TENM4: variants seen among roughly 807,000 people sequenced by gnomAD.
The protein encoded by TENM4 is teneurin transmembrane protein 4.
A neutral mutation model predicts 243.3 loss-of-function variants in TENM4; 82 were observed. The ratio of observed to expected loss-of-function variants is 0.34; its 90% CI spans 0.28 to 0.40. The LOEUF (loss-of-function observed/expected upper bound fraction) is 0.40. TENM4 is among the 10% of genes least tolerant of loss of function. TENM4 has a pLI of 1.00. For synonymous variants in TENM4, 1,412 were observed against 1,456.3 expected (o/e 0.97, Z 0.69); for missense variants, 3,138 against 3,673.3 (o/e 0.85, Z 3.77).
intron 28 of TENM4, among the ~76,000 whole-genome samples, chr11:78,693,011 T>C (rs1444278251): frequency 1.3e-5 from 2 of 149,140 alleles, no homozygotes; most frequent in African/African-American, 5.2e-5. Context: ...CCTCCTAATA[T>C]AAGCTCCATG....
intron 2 of TENM4, among the ~76,000 whole-genome samples, chr11:79,286,691 A>G (rs938770042): frequency 2.6e-5 from 4 of 152,130 alleles, no homozygotes; most frequent in Non-Finnish European, 4.4e-5. Context: ...TTTTTTTTAA[A>G]TAGAAGTGGA....
chr11:79,197,759 G>A (rs552499554), intron 3 of TENM4, among the ~76,000 whole-genome samples: 1 of 152,166 alleles, frequency 6.6e-6, no homozygotes, highest in Admixed American at 6.5e-5. Flanking sequence ...GGGACGTGGT[G>A]GGGGGAAACC....
At chr11:78,714,239 TTG>T (rs1373392573) in intron 25 of TENM4, among the ~76,000 whole-genome samples, 1 of 152,208 alleles carries the variant, frequency 6.6e-6, no homozygotes, top group Non-Finnish European at 1.5e-5. Flanking sequence ...TTTTACAGAT[TTG>T]TGTTTTTTGA....
intron 1 of TENM4, among the ~76,000 whole-genome samples, chr11:79,310,920 C>A (rs1856709028): frequency 6.6e-6 from 1 of 152,080 alleles, no homozygotes; most frequent in Non-Finnish European, 1.5e-5. Context: ...TTCTGTTCAG[C>A]CTTTTTTAAA....
chr11:78,786,891 G>A lies in TENM4; in HGVS notation c.2365+7C>T, dbSNP rs536139962. 70 of 1,604,426 alleles carry A rather than the reference G, an allele frequency of 4.4e-5. No homozygotes were observed. The Middle Eastern group carries it at 5.0e-4, about 11-fold the overall frequency. On this transcript the variant is annotated splice_region_variant and intron_variant, in intron 16 of 33. Coordinates refer to ENST00000278550, the MANE Select transcript of TENM4 (RefSeq NM_001098816.3). ...AGAAGGTACCCGGGGACCTCGGCCC[G>A]CCATACCGATGGTGCAGTGTTCGCC...
At chr11:79,140,588 C>A (rs1469023914) in intron 4 of TENM4, among the ~76,000 whole-genome samples, 4 of 152,108 alleles carry the variant, frequency 2.6e-5, no homozygotes, top group Non-Finnish European at 5.9e-5. Context: ...CTGGCAGAAA[C>A]AGGGCTACAT....
intron 6 of TENM4, among the ~76,000 whole-genome samples, chr11:78,991,103 C>A (rs751838923): frequency 6.6e-6 from 1 of 152,110 alleles, no homozygotes; most frequent in South Asian, 2.1e-4. Context: ...GTATGTGGAG[C>A]TGTGTGCAGC....
chr11:78,921,645 T>C (rs945535744), intron 6 of TENM4, among the ~76,000 whole-genome samples: 1 of 152,130 alleles, frequency 6.6e-6, no homozygotes, highest in Non-Finnish European at 1.5e-5. Flanking sequence ...GGCCTAGAGA[T>C]GGAAGGTGCA....
chr11:79,156,160 G>A (rs1862611670), intron 3 of TENM4, among the ~76,000 whole-genome samples: 1 of 152,146 alleles, frequency 6.6e-6, no homozygotes, highest in Non-Finnish European at 1.5e-5. Flanking sequence ...AGGTATCCAG[G>A]AAACTCCAGA....
At chr11:79,437,048 G>T (rs946599780) in intron 1 of TENM4, among the ~76,000 whole-genome samples, 3 of 152,182 alleles carry the variant, frequency 2.0e-5, no homozygotes, top group African/African-American at 7.2e-5. Context: ...GCACACAGGT[G>T]CCGCTAAAGG....
intron 2 of TENM4, among the ~76,000 whole-genome samples, chr11:79,242,458 C>T (rs1190600643): frequency 6.6e-6 from 1 of 152,112 alleles, no homozygotes; most frequent in Non-Finnish European, 1.5e-5. Flanking sequence ...AGACAACTAC[C>T]GTTAACAGTT....
At chr11:79,141,345 A>G (rs758073177) in intron 4 of TENM4, among the ~76,000 whole-genome samples, 30 of 152,138 alleles carry the variant, frequency 2.0e-4, no homozygotes, top group Admixed American at 1.0e-3. Context: ...AAGGAACATT[A>G]GAGACTACTA....
intron 6 of TENM4, among the ~76,000 whole-genome samples, chr11:78,999,408 C>T (rs895554932): frequency 1.1e-4 from 17 of 151,770 alleles, no homozygotes; most frequent in African/African-American, 3.4e-4. Flanking sequence ...CCCAGCTACT[C>T]GGGAGGCTGA....
chr11:78,675,770 C>A (rs1434360330), intron 30 of TENM4, among the ~76,000 whole-genome samples: 1 of 152,202 alleles, frequency 6.6e-6, no homozygotes, highest in East Asian at 1.9e-4. Flanking sequence ...TTATTGACCA[C>A]TTGCTATGAG....
chr11:79,065,106 G>T, intron 5 of TENM4, 99 bp from the exon 6 acceptor site: 1 of 1,403,266 alleles, frequency 7.1e-7, no homozygotes, highest in Non-Finnish European at 9.3e-7. Flanking sequence ...GCTCACTGTC[G>T]TTCTTTGAAC....
chr11:78,923,216 G>C lies in TENM4; in HGVS notation c.494-19693C>G, dbSNP rs529287158. On this transcript the variant is annotated intron_variant, in intron 6 of 33. Coordinates refer to ENST00000278550, the MANE Select transcript of TENM4 (RefSeq NM_001098816.3). Reference sequence around the variant, plus strand: ...GGGCCCGTGTTTGGTTTGATGGGCTGTCACTATCTTGAAATTCTGAAAAAA... The same window carrying C: ...GGGCCCGTGTTTGGTTTGATGGGCTCTCACTATCTTGAAATTCTGAAAAAA... Among the ~76,000 whole-genome samples, 233 of 152,238 alleles carry C rather than the reference G, an allele frequency of 1.5e-3. 1 individual carries two copies. The highest frequency in any genetic ancestry group is 5.5e-3 in the African/African-American group (228 of 41,528).
chr11:78,694,790 G>A (rs913510151), intron 28 of TENM4, among the ~76,000 whole-genome samples: 2 of 152,218 alleles, frequency 1.3e-5, no homozygotes, highest in African/African-American at 4.8e-5. Context: ...GCACGGGCAA[G>A]AGACTGGAAT....
chr11:79,433,903 G>A (rs887335291), intron 1 of TENM4, among the ~76,000 whole-genome samples: 3 of 152,152 alleles, frequency 2.0e-5, no homozygotes, highest in African/African-American at 4.8e-5. Context: ...CCAACAGAGC[G>A]GGCTCCCTCT....
At chr11:78,879,233 C>T (rs1401255262) in intron 9 of TENM4, among the ~76,000 whole-genome samples, 13 of 149,350 alleles carry the variant, frequency 8.7e-5, no homozygotes, top group African/African-American at 3.2e-4. Flanking sequence ...TGCCCGGTCG[C>T]CCCGTCTGGG....
Sources: gnomAD v4.1 joint callset for allele counts (sites outside exome capture counted in the v4.1 genomes callset) on GRCh38, gnomAD v4.1.1 for gene constraint, MANE v1.5 for transcripts, NCBI Gene and HGNC (gene_info 2026-07-23, HGNC 2026-07-21) for gene names.